TBCD: variants seen among roughly 807,000 people sequenced by gnomAD.
The protein encoded by TBCD is tubulin folding cofactor D, also known as tubulin-specific chaperone D.
In TBCD, 105 loss-of-function variants were observed where a neutral mutation model predicts 169.3. That is an observed-to-expected ratio of 0.62 (90% CI 0.53 to 0.73). The LOEUF (loss-of-function observed/expected upper bound fraction) is 0.73. Among genes scored for constraint, TBCD ranks in the 30% least tolerant of loss-of-function variants. The pLI, the probability that TBCD is intolerant of heterozygous loss-of-function variation, is 0.00. For missense variants in TBCD, 1,444 were observed against 1,600.1 expected (o/e 0.90, Z 1.66); for synonymous variants, 700 against 643.9 (o/e 1.09, Z -1.32).
In TBCD at chr17:82,890,215, G is replaced by A. The variant is rs2059033661; in HGVS notation, c.1563+518G>A. On this transcript the variant is annotated intron_variant, in intron 16 of 38. Coordinates refer to ENST00000355528, the MANE Select transcript of TBCD (RefSeq NM_005993.5). This position sits in a 1 kb window ranked among gnomAD's most constrained non-coding sequence, Gnocchi z 5.3. ...ACTGGTCAGCTTCGCCTGTGAATGG[G>A]GGGCCCCAGGTTACTCATGTTGTGT... is the stretch of plus-strand genomic sequence containing the variant. 6.6e-6 allele frequency among the ~76,000 whole-genome samples: 1 copy of A among 152,180 alleles called. No homozygotes were observed. The highest frequency in any genetic ancestry group is 2.4e-5 in the African/African-American group (1 of 41,432).
intron 34 of TBCD, 196 bp from the exon 35 acceptor site, chr17:82,937,075 C>T (rs1477067836): frequency 8.7e-6 from 5 of 576,500 alleles, no homozygotes; most frequent in African/African-American, 7.5e-5. Flanking sequence ...GGTGGCACAG[C>T]CGCTAGGGAC....
rs1482439282 is a variant in TBCD, at chr17:82,930,517, T to C, written c.2992-5T>C. 1 of 1,612,478 alleles carries C rather than the reference T, an allele frequency of 6.2e-7. No homozygotes were observed. The highest frequency in any genetic ancestry group is 8.5e-7 in the Non-Finnish European group (1 of 1,179,556). ...ACTGCCTTCTGAGGTGTCTCCGTGT[T>C]GCAGATCCGGCACTCCACCCAGAGC... On this transcript the variant is annotated splice_region_variant and splice_polypyrimidine_tract_variant and intron_variant, in intron 32 of 38. Coordinates refer to ENST00000355528, the MANE Select transcript of TBCD (RefSeq NM_005993.5). The surrounding 1 kb of genome is among the most constrained non-coding windows in gnomAD (Gnocchi z 5.2).
At position 82,874,504 on chromosome 17, in the gene TBCD, C is replaced by A. The variant is rs897999398; in HGVS notation, c.1475+4124C>A. Among the ~76,000 whole-genome samples the A allele has an allele frequency of 2.3e-4, 35 of 152,240 alleles. No homozygotes were observed. Among genetic ancestry groups the A allele is most frequent in the African/African-American group, 8.2e-4 (34 of 41,546 alleles). The stretch of plus-strand genomic sequence containing the variant: ...GCTCGCAGCTCACAGGCTTCTGACG[C>A]CTCAGCCTGGAGCTGGCGTTGTGCC... On this transcript the variant is annotated intron_variant, in intron 14 of 38. Coordinates refer to ENST00000355528, the MANE Select transcript of TBCD (RefSeq NM_005993.5). This position sits in a 1 kb window ranked among gnomAD's most constrained non-coding sequence, Gnocchi z 5.0.
chr17:82,872,703 G>A (rs1293098125), intron 14 of TBCD, among the ~76,000 whole-genome samples: 2 of 152,246 alleles, frequency 1.3e-5, no homozygotes, highest in Non-Finnish European at 2.9e-5. Flanking sequence ...ACTTCCTTAC[G>A]TTGATATCTC....
Position 82,782,672 on chromosome 17 carries a change from AG to A in TBCD, c.771+952del, listed in dbSNP as rs1333873170. ...GACACTTTGGAGCGCGTTTTAGGGG[AG>A]ATGATGAGTGCCACCTCGCCACGGC... On this transcript the variant is annotated intron_variant, in intron 7 of 38. Transcript: ENST00000355528. This position sits in a 1 kb window ranked among gnomAD's most constrained non-coding sequence, Gnocchi z 5.1. Among the ~76,000 whole-genome samples the A allele has an allele frequency of 6.6e-6, 1 of 152,044 alleles. No homozygotes were observed. The highest frequency in any genetic ancestry group is 1.5e-5 in the Non-Finnish European group (1 of 68,010).
intron 17 of TBCD, chr17:82,895,923 C>G (rs886545173): frequency 6.6e-6 from 1 of 152,190 alleles, no homozygotes; most frequent in South Asian, 2.1e-4. Flanking sequence ...TCGCCCCACT[C>G]TCCTGTTCAT....
At chr17:82,836,982 C>T (rs996920383) in intron 13 of TBCD, among the ~76,000 whole-genome samples, 4 of 152,068 alleles carry the variant, frequency 2.6e-5, no homozygotes, top group Admixed American at 6.6e-5. Flanking sequence ...GAATTGGTGT[C>T]GATATGGAGT....
intron 37 of TBCD, among the ~76,000 whole-genome samples, chr17:82,940,454 G>C (rs1905043684): frequency 1.3e-5 from 2 of 152,216 alleles, no homozygotes; most frequent in African/African-American, 4.8e-5. Context: ...CACGCCCCTT[G>C]TTGAATCCAG....
Position 82,770,282 on chromosome 17 carries a change from T to C in TBCD, c.582+1716T>C, listed in dbSNP as rs150591227. 1.2e-4 allele frequency among the ~76,000 whole-genome samples: 19 copies of C among 152,366 alleles called. No homozygotes were observed. The East Asian group carries it at 3.1e-3, about 25-fold the overall frequency. On this transcript the variant is annotated intron_variant, in intron 5 of 38. Coordinates refer to ENST00000355528, the MANE Select transcript of TBCD (RefSeq NM_005993.5). The stretch of plus-strand genomic sequence containing the variant: ...CTCTGATAGATGGATGTTTTGTTTG[T>C]TCTTGTTTTGTTACGTTAGAGGTAG...
intron 14 of TBCD, among the ~76,000 whole-genome samples, chr17:82,881,201 C>G (rs2058330188): frequency 6.6e-6 from 1 of 152,218 alleles, no homozygotes; most frequent in South Asian, 2.1e-4. Context: ...CGGTGGTGAG[C>G]TGAGAAGCGG....
chr17:82,857,126 T>G (rs568670358), intron 13 of TBCD, among the ~76,000 whole-genome samples: 1 of 152,340 alleles, frequency 6.6e-6, no homozygotes, highest in East Asian at 1.9e-4. Flanking sequence ...AACACCTGTG[T>G]TGTTCTTTTT....
At chr17:82,896,762 C>T (rs1046013445) in intron 17 of TBCD, among the ~76,000 whole-genome samples, 7 of 152,198 alleles carry the variant, frequency 4.6e-5, no homozygotes, top group Non-Finnish European at 7.3e-5. Context: ...CCACACCCTG[C>T]CTGTAGCTTT....
chr17:82,770,876 T>C (rs905976047), intron 5 of TBCD, among the ~76,000 whole-genome samples: 1 of 151,832 alleles, frequency 6.6e-6, no homozygotes, highest in African/African-American at 2.4e-5. Context: ...TAGCCGGGAA[T>C]GGTGGCTAGT....
intron 6 of TBCD, among the ~76,000 whole-genome samples, chr17:82,774,038 CTT>C (rs34066502): frequency 3.6e-5 from 5 of 138,520 alleles, no homozygotes; most frequent in Admixed American, 1.4e-4. Flanking sequence ...CCGAGTGTGT[CTT>C]TTTTTTTTTT....
At chr17:82,754,069 G>A (rs575518299) in intron 1 of TBCD, among the ~76,000 whole-genome samples, 14 of 151,620 alleles carry the variant, frequency 9.2e-5, no homozygotes, top group African/African-American at 3.4e-4. Context: ...GTAGTGACGG[G>A]TTTCATCGTG....
chr17:82,755,793 T>C (rs1285332567), intron 1 of TBCD, among the ~76,000 whole-genome samples: 2 of 152,160 alleles, frequency 1.3e-5, no homozygotes, highest in African/African-American at 4.8e-5. Flanking sequence ...CAGGGATGTG[T>C]GTCTCACAAG....
Position 82,925,016 on chromosome 17 carries a change from G to A in TBCD, c.2338G>A (p.Gly780Ser). 1 of 1,570,428 alleles carries A rather than the reference G, an allele frequency of 6.4e-7. No individual in the cohort carries two copies. The change falls in exon 27 of 39, where the codon GGC becomes AGC. Residue 780 changes from glycine to serine, a missense_variant. Gly to Ser is a moderately conservative substitution (Grantham distance 56). Transcript: ENST00000355528. ...TCGCTGTGGCTTCTCGTTGGCCTTG[G>A]GCGCCCTTCCAGGCTTCCTTCTGAA... ...MTRCGFSLAL[G>S]ALPGFLLKGR...
In TBCD at chr17:82,942,739, A is replaced by G; in HGVS notation, c.*276A>G. On this transcript the variant is annotated 3_prime_UTR_variant, in exon 39 of 39. Transcript: ENST00000355528. The stretch of plus-strand genomic sequence containing the variant: ...TTTTGTCTCTGAGCCTGATGTGTGT[A>G]GGGGTGATGGAAAGGCTCACTGCCC... 1 of 548,792 alleles carries G rather than the reference A, an allele frequency of 1.8e-6. No individual in the cohort carries two copies. The highest frequency in any genetic ancestry group is 3.2e-6 in the Non-Finnish European group (1 of 309,060). The allele number at this position is 548,792 out of a possible 1,614,324, so 34.0% of individuals were successfully genotyped here.
intron 9 of TBCD, among the ~76,000 whole-genome samples, chr17:82,802,253 C>T (rs911535712): frequency 2.0e-5 from 3 of 151,582 alleles, no homozygotes; most frequent in South Asian, 4.2e-4. Flanking sequence ...TGTGTGTTAG[C>T]GACCTTCAGT....
Sources: allele counts gnomAD v4.1 joint callset (sites outside exome capture counted in the v4.1 genomes callset), GRCh38; gene constraint gnomAD v4.1.1; non-coding constraint Gnocchi (gnomAD v3.1); transcripts MANE v1.5; gene names NCBI Gene and HGNC (gene_info 2026-07-23, HGNC 2026-07-21).